The following RIC1 variants were observed in gnomAD, a reference collection of about 807,000 sequenced individuals.
RIC1 encodes RIC1 partner of RAB6A GEF complex, also known as guanine nucleotide exchange factor subunit RIC1.
A neutral mutation model predicts 169.0 loss-of-function variants in RIC1; 88 were observed. That is an observed-to-expected ratio of 0.52 (90% CI 0.44 to 0.62). The LOEUF is 0.62. Ranked by LOEUF, RIC1 falls within the 20% of genes least tolerant of loss-of-function variation. The pLI is 0.00. For synonymous variants in RIC1, 790 were observed against 601.5 expected (o/e 1.31, Z -4.59); for missense variants, 1,877 against 1,725.5 (o/e 1.09, Z -1.56).
Position 5,680,157 on chromosome 9 carries a change from A to G in RIC1, c.253-9802A>G, listed in dbSNP as rs572364430. The stretch of plus-strand genomic sequence containing the variant: ...CTGGATTACATTTATTGATTTTCGT[A>G]TGTTGAACCAGCCTTGCATCCCAGG... On this transcript the variant is annotated intron_variant, in intron 2 of 25. Transcript: ENST00000414202. Among the ~76,000 whole-genome samples the G allele has an allele frequency of 2.6e-3, 393 of 152,216 alleles. 2 individuals are homozygous for G. The highest frequency in any genetic ancestry group is 8.6e-3 in the African/African-American group (357 of 41,516).
chr9:5,738,593 A>G, intron 8 of RIC1, 55 bp downstream of exon 8: 2 of 1,032,338 alleles, frequency 1.9e-6, no homozygotes, highest in South Asian at 1.7e-5. Flanking sequence ...TGGTATTGCC[A>G]TTTGTAGCAG....
Position 5,685,502 on chromosome 9 carries a change from C to G in RIC1, c.253-4457C>G, listed in dbSNP as rs76291422. 6.1e-3 allele frequency among the ~76,000 whole-genome samples: 906 copies of G among 148,926 alleles called. 8 individuals are homozygous for G. Among genetic ancestry groups the G allele is most frequent in the South Asian group, 0.028 (131 of 4,670 alleles). ...CTACAACTATCTGATCTTTGACAAA[C>G]CTGAGAAAAACAAGCAATGGGGAAA... On this transcript the variant is annotated intron_variant, in intron 2 of 25. Coordinates refer to ENST00000414202, the MANE Select transcript of RIC1 (RefSeq NM_020829.4).
intron 8 of RIC1, 150 bp downstream of exon 8, chr9:5,738,688 AATTG>A (rs1464748867): frequency 6.5e-6 from 3 of 458,416 alleles, no homozygotes; most frequent in Middle Eastern, 5.6e-4. Flanking sequence ...CAAGTCTGGA[AATTG>A]ATTGAGGGGC....
At chr9:5,771,648 G>A (rs1181318786) in intron 23 of RIC1, among the ~76,000 whole-genome samples, 3 of 152,180 alleles carry the variant, frequency 2.0e-5, no homozygotes, top group Non-Finnish European at 2.9e-5. Flanking sequence ...GTGGACAAGG[G>A]TTCTATTTTC....
chr9:5,675,853 A>C (rs1029590994), intron 2 of RIC1, among the ~76,000 whole-genome samples: 7 of 152,222 alleles, frequency 4.6e-5, no homozygotes, highest in Non-Finnish European at 1.0e-4. Flanking sequence ...AAATTATGCT[A>C]TTCATAATAT....
In RIC1 at chr9:5,769,224, G is replaced by A; in HGVS notation, c.3392G>A (p.Ser1131Asn). 5 of 1,614,084 alleles carry A rather than the reference G, an allele frequency of 3.1e-6. No individual in the cohort carries two copies. The highest frequency in any genetic ancestry group is 2.2e-5 in the East Asian group (1 of 44,882). ...CCAATCATCCCAGCCTCTTCTATCA[G>A]TTCTCCTTTCAAAAATGGAAAATAC... ...PLPIIPASSI[S>N]SPFKNGKYRT... The change falls in exon 22 of 26, where the codon AGT becomes AAT. Residue 1131 changes from serine (S) to asparagine (N), a missense_variant. This residue lies in a region of RIC1 where 681 missense variants were observed against 582.0 expected (regional missense o/e 1.17). Coordinates refer to ENST00000414202, the MANE Select transcript of RIC1 (RefSeq NM_020829.4).
At chr9:5,630,539 C>T (rs948396936) in intron 1 of RIC1, among the ~76,000 whole-genome samples, 1 of 152,198 alleles carries the variant, frequency 6.6e-6, no homozygotes, top group African/African-American at 2.4e-5. Context: ...TCACCCACTT[C>T]CCTGGTAATA....
Position 5,701,152 on chromosome 9 carries a change from T to C in RIC1, c.332+11114T>C, listed in dbSNP as rs539924856. On this transcript the variant is annotated intron_variant, in intron 3 of 25. Coordinates refer to ENST00000414202, the MANE Select transcript of RIC1 (RefSeq NM_020829.4). ...ACCCATTTGTGGTAAAACTGTGGTA[T>C]AGCTGGCTCTTCTGTTTGAGACCTA... 7.9e-5 allele frequency among the ~76,000 whole-genome samples: 12 copies of C among 152,372 alleles called. 1 individual carries two copies. The highest frequency in any genetic ancestry group is 3.9e-4 in the Admixed American group (6 of 15,304).
intron 6 of RIC1, among the ~76,000 whole-genome samples, chr9:5,722,348 AGTGTGTGTGTGTGT>A (rs1554673860): frequency 1.5e-5 from 2 of 131,336 alleles, no homozygotes; most frequent in African/African-American, 5.7e-5. Context: ...AGAGAGAGAG[AGTGTGTGTGTGTGT>A]GTGTGTGTGT....
At chr9:5,718,472 A>G (rs1047488655) in intron 4 of RIC1, among the ~76,000 whole-genome samples, 2 of 152,198 alleles carry the variant, frequency 1.3e-5, no homozygotes, top group African/African-American at 4.8e-5. Context: ...TTATAAAACA[A>G]TACAGTAAGG....
intron 2 of RIC1, among the ~76,000 whole-genome samples, chr9:5,685,691 A>T (rs1222358149): frequency 6.6e-6 from 1 of 151,244 alleles, no homozygotes; most frequent in Non-Finnish European, 1.5e-5. Flanking sequence ...AAACCTAGGC[A>T]TTACCATTCA....
rs12336909 is a variant in RIC1 at position 5,636,394 on chromosome 9, A to C, written c.144+6941A>C. 9.9e-3 allele frequency among the ~76,000 whole-genome samples: 1,514 copies of C among 152,176 alleles called. 24 individuals carry two copies. The highest frequency in any genetic ancestry group is 0.035 in the African/African-American group (1,440 of 41,482). On this transcript the variant is annotated intron_variant, in intron 1 of 25. Coordinates refer to ENST00000414202, the MANE Select transcript of RIC1 (RefSeq NM_020829.4). Reference sequence around the variant, plus strand: ...GAGTGCAATGGAGCGATCTCAACTCACTGCAGCCTCTGCCTCCTGGGTTCA... The same window carrying C: ...GAGTGCAATGGAGCGATCTCAACTCCCTGCAGCCTCTGCCTCCTGGGTTCA...
At chr9:5,725,808 C>T (rs954627373) in intron 6 of RIC1, among the ~76,000 whole-genome samples, 23 of 152,060 alleles carry the variant, frequency 1.5e-4, no homozygotes, top group East Asian at 5.8e-4. Context: ...GCCTTCATTT[C>T]GTTATGTACC....
At chr9:5,676,205 C>G (rs1210467475) in intron 2 of RIC1, among the ~76,000 whole-genome samples, 1 of 152,202 alleles carries the variant, frequency 6.6e-6, no homozygotes, top group Non-Finnish European at 1.5e-5. Context: ...ATGTGAGCCA[C>G]TGCACCTGGC....
rs901795005 is a variant in RIC1, at chr9:5,753,424, AATTAGCAAACATTTATTAATTGTCTG to A, written c.1492-111_1492-86del. ...TGAATATTTGGACTTTAAAATATTTAATTAGCAAACATTTATTAATTGTCTGTTTGCCTGACACAATACTAAGCTCT... is the reference window on the plus strand; with the variant it reads ...TGAATATTTGGACTTTAAAATATTTATTTGCCTGACACAATACTAAGCTCT... On this transcript the variant is annotated intron_variant, in intron 13 of 25. Transcript: ENST00000414202. 3 of 820,510 alleles carry A rather than the reference AATTAGCAAACATTTATTAATTGTCTG, an allele frequency of 3.7e-6. No individual in the cohort carries two copies. In the African/African-American group the frequency reaches 5.2e-5, roughly 14 times the overall value. The allele number at this position is 820,510 out of a possible 1,614,324, so 50.8% of individuals were successfully genotyped here.
intron 9 of RIC1, 64 bp from the exon 10 acceptor site, chr9:5,743,623 CTA>C (rs1297486781): frequency 1.6e-6 from 2 of 1,275,550 alleles, no homozygotes; most frequent in African/African-American, 3.0e-5. Context: ...TTAAAAAACA[CTA>C]AATTTTATGT....
intron 2 of RIC1, among the ~76,000 whole-genome samples, chr9:5,671,326 G>A (rs1820087325): frequency 6.7e-6 from 1 of 149,974 alleles, no homozygotes; most frequent in Admixed American, 6.7e-5. Context: ...CTGGAGTGGA[G>A]TGGCGCAGCG....
chr9:5,743,074 T>A (rs755526732), intron 9 of RIC1, 61 bp downstream of exon 9: 3 of 1,467,900 alleles, frequency 2.0e-6, no homozygotes, highest in Non-Finnish European at 2.8e-6. Flanking sequence ...AATGCATGCA[T>A]ACAAAAACCT....
chr9:5,774,180 G>A lies in RIC1; in HGVS notation c.4206G>A (p.Glu1402=), dbSNP rs749895946. 6.2e-7 allele frequency: 1 copy of A among 1,614,026 alleles called. No individual in the cohort carries two copies. Among genetic ancestry groups the A allele is most frequent in the South Asian group, 1.1e-5 (1 of 91,074 alleles). ...GCAATATGGTCAGCCGGAAAGAGGAGGACACAGCCCAAGCAGAGGAGGAAG... is the reference window on the plus strand; with the variant it reads ...GCAATATGGTCAGCCGGAAAGAGGAAGACACAGCCCAAGCAGAGGAGGAAG... The part of the protein sequence containing the change: ...GSSNMVSRKE[E]DTAQAEEEEP... Residue 1402 remains glutamate, a synonymous_variant, in exon 26 of 26, where the codon GAG becomes GAA. Transcript: ENST00000414202.
Sources: gnomAD v4.1 joint callset for allele counts (sites outside exome capture counted in the v4.1 genomes callset) on GRCh38, gnomAD v4.1.1 for gene constraint, gnomAD v4.1.1 regional missense constraint, MANE v1.5 for transcripts, NCBI Gene and HGNC (gene_info 2026-07-23, HGNC 2026-07-21) for gene names.